POMGNT1: variants seen among roughly 807,000 people sequenced by gnomAD.
POMGNT1 encodes protein O-linked mannose N-acetylglucosaminyltransferase 1 (beta 1,2-).
In POMGNT1, 67 loss-of-function variants were observed where a neutral mutation model predicts 95.6. That is an observed-to-expected ratio of 0.70 (90% CI 0.58 to 0.86). The LOEUF is 0.86. Among genes scored for constraint, POMGNT1 ranks in the 40% least tolerant of loss-of-function variants. The pLI, the probability that POMGNT1 is intolerant of heterozygous loss-of-function variation, is 0.00. For missense variants in POMGNT1, 719 were observed against 855.2 expected, an observed-to-expected ratio of 0.84 and a Z score of 1.99; for synonymous variants, 298 against 317.9, an observed-to-expected ratio of 0.94 and a Z score of 0.66.
chr1:46,198,563 G>A (rs1301325833), upstream of POMGNT1: 4 of 167,222 alleles, frequency 2.4e-5, no homozygotes, highest in Admixed American at 6.3e-5. Flanking sequence ...GCGTCGGGGT[G>A]TAAGCAGCCA....
chr1:46,193,051 C>T (rs1035277295), intron 13 of POMGNT1, 93 bp from the exon 14 acceptor site: 13 of 1,602,518 alleles, frequency 8.1e-6, no homozygotes, highest in Non-Finnish European at 1.1e-5. Flanking sequence ...GCAGCATTAC[C>T]CCCATTTTCC....
chr1:46,188,793 G>A lies in POMGNT1; in HGVS notation c.*477C>T, dbSNP rs762610409. On this transcript the variant is annotated 3_prime_UTR_variant, in exon 22 of 22. Transcript: ENST00000371984. ...GTCCAGTGTCTAAGGGTCTCTGAGT[G>A]AGTCTGTGTCAGCATGTGGGCCCCA... 1.9e-6 allele frequency: 3 copies of A among 1,612,906 alleles called. No individual in the cohort carries two copies. The highest frequency in any genetic ancestry group is 2.7e-5 in the African/African-American group (2 of 75,060).
chr1:46,204,587 A>G (rs953823), intron 1 of POMGNT1, among the ~76,000 whole-genome samples: 56,574 of 152,038 alleles, frequency 0.37, 10,836 homozygotes, highest in African/African-American at 0.45. Context: ...GGGGAAGGAA[A>G]TCATGGGGGC....
At chr1:46,195,497 T>C in intron 6 of POMGNT1, 2 of 420,086 alleles carry the variant, frequency 4.8e-6, no homozygotes, top group Non-Finnish European at 9.0e-6. Context: ...ATACAAGTTA[T>C]CATTTACTAG....
chr1:46,198,338 C>T lies in POMGNT1; in HGVS notation c.-53G>A, dbSNP rs1557679593. 2 of 153,602 alleles carry T rather than the reference C, an allele frequency of 1.3e-5. No individual in the cohort carries two copies. Among genetic ancestry groups the T allele is most frequent in the Non-Finnish European group, 2.9e-5 (2 of 68,598 alleles). The allele number at this position is 153,602 out of a possible 1,614,324, so 9.5% of individuals were successfully genotyped here. A position where few individuals can be genotyped will look rare whatever the true frequency, so the allele number is the denominator to read the frequency against. On this transcript the variant is annotated splice_region_variant and 5_prime_UTR_variant, in exon 1 of 22. Coordinates refer to ENST00000371984, the MANE Select transcript of POMGNT1 (RefSeq NM_017739.4). ...GACACCCACGCGGAGGCACTCACGG[C>T]TTAGGGGCCCCGGGCCCCGCTCGGG...
Position 46,193,588 on chromosome 1 carries a change from TG to T in POMGNT1, c.1001del (p.Thr334LysfsTer20). ...CCTCATAGTAGCCGTCAATGAAAAC[TG>T]TTATCATCTGAGGAGACACCCCCTG... ...SAQGVSPQMI[T>X]VFIDGYYEEP... On this transcript the variant is annotated frameshift_variant, in exon 11 of 22. Transcript: ENST00000371984. LOFTEE classifies it high-confidence loss of function. The T allele has an allele frequency of 1.2e-6, 2 of 1,614,130 alleles. No homozygotes were observed. The highest frequency in any genetic ancestry group is 1.7e-6 in the Non-Finnish European group (2 of 1,180,012).
At position 46,192,423 on chromosome 1, in the gene POMGNT1, G is replaced by GT; in HGVS notation, c.1297dup (p.Thr433AsnfsTer3). On this transcript the variant is annotated frameshift_variant, in exon 16 of 22. Transcript: ENST00000371984. LOFTEE classifies it high-confidence loss of function. ...GTACAGTAGTGCTGGGTCCTCAGCC[G>GT]TGTGTTCATACCCCTGGGGACAGGG... 6.2e-7 allele frequency: 1 copy of GT among 1,614,158 alleles called. No individual in the cohort carries two copies. The highest frequency in any genetic ancestry group is 8.5e-7 in the Non-Finnish European group (1 of 1,180,026).
chr1:46,206,278 T>G (rs1251575399), intron 1 of POMGNT1, among the ~76,000 whole-genome samples: 1 of 152,060 alleles, frequency 6.6e-6, no homozygotes, highest in Non-Finnish European at 1.5e-5. Flanking sequence ...GTGGAGGGGG[T>G]AGAGGGAGAT....
chr1:46,194,418 G>A lies in POMGNT1; in HGVS notation c.752-17C>T, dbSNP rs1179327925. On this transcript the variant is annotated splice_polypyrimidine_tract_variant and intron_variant, in intron 8 of 21. Coordinates refer to ENST00000371984, the MANE Select transcript of POMGNT1 (RefSeq NM_017739.4). The stretch of plus-strand genomic sequence containing the variant: ...ACTCTGCCTCTGAGGGAAGGATGCG[G>A]TTGTCATGGAGGCATGGGGCCAGCA... The A allele has an allele frequency of 6.2e-7, 1 of 1,614,200 alleles. No homozygotes were observed. The highest frequency in any genetic ancestry group is 2.2e-5 in the East Asian group (1 of 44,886).
At chr1:46,205,917 T>TGTTC in intron 1 of POMGNT1, among the ~76,000 whole-genome samples, 1 of 152,208 alleles carries the variant, frequency 6.6e-6, no homozygotes, top group East Asian at 1.9e-4. Flanking sequence ...GTCCTTCAAT[T>TGTTC]GTTCCTCTCC....
chr1:46,198,201 C>T, intron 1 of POMGNT1, 135 bp downstream of exon 1: 1 of 236,996 alleles, frequency 4.2e-6, no homozygotes, highest in South Asian at 5.5e-5. Flanking sequence ...CCTCTCCTGC[C>T]CCAGTCTTCA....
At chr1:46,212,144 A>G (rs1290611703) in intron 1 of POMGNT1, among the ~76,000 whole-genome samples, 1 of 152,204 alleles carries the variant, frequency 6.6e-6, no homozygotes, top group Non-Finnish European at 1.5e-5. Context: ...ATAATTCAAT[A>G]AACATTTTTC....
intron 1 of POMGNT1, among the ~76,000 whole-genome samples, chr1:46,204,968 G>C (rs1480543104): frequency 6.6e-6 from 1 of 152,126 alleles, no homozygotes; most frequent in Non-Finnish European, 1.5e-5. Context: ...TGGAGAAACT[G>C]AGGCACAGGG....
At position 46,188,692 on chromosome 1, in the gene POMGNT1, C is replaced by T; in HGVS notation, c.*578G>A. On this transcript the variant is annotated 3_prime_UTR_variant, in exon 22 of 22. Coordinates refer to ENST00000371984, the MANE Select transcript of POMGNT1 (RefSeq NM_017739.4). ...ACAATCACAAGACATCCCCAGAGGG[C>T]TTCTCCTTTTTTAATCAATGACCAA... is the stretch of plus-strand genomic sequence containing the variant. The T allele has an allele frequency of 6.3e-7, 1 of 1,595,272 alleles. No individual in the cohort carries two copies. The highest frequency in any genetic ancestry group is 8.6e-7 in the Non-Finnish European group (1 of 1,168,372).
At position 46,196,643 on chromosome 1, in the gene POMGNT1, G is replaced by A. The variant is rs112433676; in HGVS notation, c.354+88C>T. The A allele has an allele frequency of 4.9e-5, 79 of 1,608,354 alleles. 2 individuals are homozygous for A. The Admixed American group carries it at 8.0e-4, about 16-fold the overall frequency. Reference sequence around the variant, plus strand: ...ACAGCTAGAAACTGGCAGAGTTGCAGTTCCCACTTAGGCAGTAGACCCTGC... The same window carrying A: ...ACAGCTAGAAACTGGCAGAGTTGCAATTCCCACTTAGGCAGTAGACCCTGC... On this transcript the variant is annotated intron_variant, in intron 4 of 21. Coordinates refer to ENST00000371984, the MANE Select transcript of POMGNT1 (RefSeq NM_017739.4). This position sits in a 1 kb window ranked among gnomAD's most constrained non-coding sequence, Gnocchi z 4.4.
chr1:46,200,958 CCGT>C (rs1658516316), upstream of POMGNT1, among the ~76,000 whole-genome samples: 1 of 151,800 alleles, frequency 6.6e-6, no homozygotes, highest in Non-Finnish European at 1.5e-5. Context: ...TGGTGAAACC[CCGT>C]CTCTACTAAA....
chr1:46,208,446 A>G (rs1658788422), intron 1 of POMGNT1, among the ~76,000 whole-genome samples: 1 of 152,220 alleles, frequency 6.6e-6, no homozygotes, highest in Non-Finnish European at 1.5e-5. Flanking sequence ...AACTGAATGG[A>G]TTAATTCCAT....
At chr1:46,212,701 C>T (rs1658940900) in intron 1 of POMGNT1, among the ~76,000 whole-genome samples, 2 of 152,072 alleles carry the variant, frequency 1.3e-5, no homozygotes, top group African/African-American at 2.4e-5. Context: ...CTGAGCCTCC[C>T]GAGTAGCTGG....
chr1:46,189,865 G>A lies in POMGNT1; in HGVS notation c.1774C>T (p.Gln592Ter). The A allele has an allele frequency of 6.2e-7, 1 of 1,613,896 alleles. No homozygotes were observed. The change falls in exon 20 of 22, where the codon CAG (glutamine) becomes TAG (stop). Residue 592 changes from glutamine (Q) to a stop codon, truncating the protein, a stop_gained. Transcript: ENST00000371984. LOFTEE classifies it high-confidence loss of function. ...EKDDDFTTWT[Q>*]LAKCLHIWDL... Reference sequence around the variant, plus strand: ...TGGTATTGGAGCACCTTGGCAAGCTGGGTCCAGGTGGTGAAGTCATCATCT... The same window carrying A: ...TGGTATTGGAGCACCTTGGCAAGCTAGGTCCAGGTGGTGAAGTCATCATCT...
Sources: gnomAD v4.1 joint callset for allele counts (sites outside exome capture counted in the v4.1 genomes callset) on GRCh38, gnomAD v4.1.1 for gene constraint, Gnocchi (gnomAD v3.1) non-coding constraint, MANE v1.5 for transcripts, NCBI Gene and HGNC (gene_info 2026-07-23, HGNC 2026-07-21) for gene names.